Variants in RBFOX1 observed in about 807,000 individuals in gnomAD.
The protein encoded by RBFOX1 is RNA binding protein fox-1 homolog 1.
Under a neutral mutation model 57.7 loss-of-function variants are expected in RBFOX1, and 8 were observed. The observed-to-expected ratio is 0.14, with a 90% confidence interval of 0.08 to 0.25. RBFOX1 has a LOEUF of 0.25. RBFOX1 is among the 10% of genes least tolerant of loss of function. The pLI, the probability that RBFOX1 is intolerant of heterozygous loss-of-function variation, is 1.00. For synonymous variants in RBFOX1, 326 were observed against 222.4 expected (o/e 1.47, Z -4.15); for missense variants, 611 against 548.5 (o/e 1.11, Z -1.14).
chr16:5,341,222 T>C (rs1389216232), intron 1 of RBFOX1, among the ~76,000 whole-genome samples: 1 of 152,122 alleles, frequency 6.6e-6, no homozygotes, highest in Non-Finnish European at 1.5e-5. Context: ...TTTTAGCTCA[T>C]GGTGAGAAGT....
At chr16:7,592,899 C>T (rs1407820643) in intron 7 of RBFOX1, among the ~76,000 whole-genome samples, 1 of 151,986 alleles carries the variant, frequency 6.6e-6, no homozygotes, top group Middle Eastern at 3.2e-3. Context: ...GTAGCCTCAA[C>T]CTCCTGGGCT....
intron 3 of RBFOX1, among the ~76,000 whole-genome samples, chr16:5,786,331 G>C (rs1306081394): frequency 6.6e-6 from 1 of 151,970 alleles, no homozygotes; most frequent in Admixed American, 6.5e-5. Flanking sequence ...TCCAGGATGG[G>C]GGCCCTTCCA....
intron 2 of RBFOX1, among the ~76,000 whole-genome samples, chr16:6,378,339 C>G (rs866376456): frequency 1.3e-5 from 2 of 152,204 alleles, no homozygotes; most frequent in Non-Finnish European, 2.9e-5. Flanking sequence ...GATGGTGACC[C>G]AGACCCTGCG....
rs181608522 is a variant in RBFOX1 at position 5,995,686 on chromosome 16, A to T, written c.351+128351A>T. Among the ~76,000 whole-genome samples the T allele has an allele frequency of 6.6e-3, 998 of 152,276 alleles. 14 individuals are homozygous for T. Among genetic ancestry groups the T allele is most frequent in the Middle Eastern group, 0.01 (3 of 294 alleles). ...TCATTGCAAGTCCAGATTATGTTCA[A>T]GCTTGGTGGAAAATCTTTGATATAA... On this transcript the variant is annotated intron_variant, in intron 4 of 19. Coordinates refer to the RBFOX1 transcript ENST00000641259.
At position 6,046,039 on chromosome 16, in the gene RBFOX1, T is replaced by C. The variant is rs962482156; in HGVS notation, c.-127+26047T>C. 2.0e-5 allele frequency among the ~76,000 whole-genome samples: 3 copies of C among 152,188 alleles called. No homozygotes were observed. The East Asian group carries it at 5.8e-4, about 29-fold the overall frequency. On this transcript the variant is annotated intron_variant, in intron 1 of 15. Transcript: ENST00000550418. Reference sequence around the variant, plus strand: ...CGTCTCATGCAGAGGATAAGGACTTTGAGTGCTTTTCTAAGCACCATAGGA... The same window carrying C: ...CGTCTCATGCAGAGGATAAGGACTTCGAGTGCTTTTCTAAGCACCATAGGA...
intron 3 of RBFOX1, among the ~76,000 whole-genome samples, chr16:5,727,525 T>A (rs1228530786): frequency 6.6e-6 from 1 of 152,224 alleles, no homozygotes; most frequent in African/African-American, 2.4e-5. Context: ...GTATTTCAAA[T>A]GTACAATACA....
chr16:7,416,584 A>C lies in RBFOX1; in HGVS notation c.28-101563A>C, dbSNP rs9888910. 8.5e-4 allele frequency among the ~76,000 whole-genome samples: 129 copies of C among 152,328 alleles called. 1 individual carries two copies. The Middle Eastern group carries it at 0.01, about 12-fold the overall frequency. On this transcript the variant is annotated intron_variant, in intron 4 of 15. Coordinates refer to ENST00000550418, the MANE Select transcript of RBFOX1 (RefSeq NM_018723.4). ...AAGTGCAAGATCCTCTTCTGGGGAC[A>C]GCCTTCTTGTCTTCATGGATAGTGC...
At chr16:7,636,307 T>TTTTAG (rs2061745116) in intron 11 of RBFOX1, among the ~76,000 whole-genome samples, 1 of 152,194 alleles carries the variant, frequency 6.6e-6, no homozygotes, top group Non-Finnish European at 1.5e-5. Context: ...TCTCAATTTG[T>TTTTAG]TTTAGTTTGT....
intron 2 of RBFOX1, among the ~76,000 whole-genome samples, chr16:5,596,383 T>C (rs2047184159): frequency 1.3e-5 from 2 of 152,194 alleles, no homozygotes; most frequent in Admixed American, 6.5e-5. Context: ...ACGAAGCCAA[T>C]ACTGGCTTCA....
chr16:5,610,019 T>C (rs1322905448), intron 3 of RBFOX1, among the ~76,000 whole-genome samples: 2 of 152,216 alleles, frequency 1.3e-5, no homozygotes, highest in African/African-American at 2.4e-5. Flanking sequence ...ACCCTTCTTC[T>C]TTTCTTTGCT....
chr16:5,692,723 T>C (rs2050726327), intron 3 of RBFOX1, among the ~76,000 whole-genome samples: 1 of 152,060 alleles, frequency 6.6e-6, no homozygotes, highest in African/African-American at 2.4e-5. Flanking sequence ...ACTTGGTTTG[T>C]TGAGAATTCA....
chr16:6,656,047 A>T (rs1274708606), intron 3 of RBFOX1, among the ~76,000 whole-genome samples: 3 of 152,334 alleles, frequency 2.0e-5, no homozygotes, highest in African/African-American at 7.2e-5. Flanking sequence ...TTTGCTGGCA[A>T]AGGAATTTCA....
At chr16:5,877,243 C>T (rs2057636764) in intron 4 of RBFOX1, among the ~76,000 whole-genome samples, 1 of 152,222 alleles carries the variant, frequency 6.6e-6, no homozygotes, top group Non-Finnish European at 1.5e-5. Flanking sequence ...CGCATTTATT[C>T]AGAAAGTCAG....
intron 1 of RBFOX1, among the ~76,000 whole-genome samples, chr16:5,333,491 A>G (rs562761593): frequency 1.3e-5 from 2 of 152,282 alleles, no homozygotes; most frequent in Admixed American, 1.3e-4. Flanking sequence ...ACAATGAAAA[A>G]GCTGCTCCTC....
In RBFOX1 at chr16:6,413,109, C is replaced by T. The variant is rs546494027; in HGVS notation, c.-64+96052C>T. The stretch of plus-strand genomic sequence containing the variant: ...CCAAGGCGGGTGGATCACCTGAGGT[C>T]GGGAGTTTGAGACCAGCCTAACCAA... On this transcript the variant is annotated intron_variant, in intron 2 of 15. Coordinates refer to ENST00000550418, the MANE Select transcript of RBFOX1 (RefSeq NM_018723.4). Among the ~76,000 whole-genome samples the T allele has an allele frequency of 5.9e-5, 9 of 152,212 alleles. No individual in the cohort carries two copies. In the South Asian group the frequency reaches 1.9e-3, roughly 32 times the overall value.
chr16:5,455,813 A>G (rs2068613835), intron 1 of RBFOX1, among the ~76,000 whole-genome samples: 1 of 152,110 alleles, frequency 6.6e-6, no homozygotes, highest in African/African-American at 2.4e-5. Context: ...TGGCTAGAGA[A>G]CCCTGGTTTC....
chr16:5,789,837 A>G (rs966888900), intron 3 of RBFOX1, among the ~76,000 whole-genome samples: 1 of 152,184 alleles, frequency 6.6e-6, no homozygotes, highest in Non-Finnish European at 1.5e-5. Context: ...TGAATTCACC[A>G]TACACCATGA....
At chr16:7,380,761 C>G (rs1162733534) in intron 4 of RBFOX1, among the ~76,000 whole-genome samples, 1 of 152,174 alleles carries the variant, frequency 6.6e-6, no homozygotes, top group African/African-American at 2.4e-5. Flanking sequence ...AATCCATTCT[C>G]TAGGGGAAAA....
intron 2 of RBFOX1, among the ~76,000 whole-genome samples, chr16:6,341,618 A>C (rs938430009): frequency 6.6e-6 from 1 of 152,094 alleles, no homozygotes; most frequent in African/African-American, 2.4e-5. Flanking sequence ...CTTTATCACA[A>C]ACCCTGATAG....
Sources: allele counts gnomAD v4.1 joint callset (sites outside exome capture counted in the v4.1 genomes callset), GRCh38; gene constraint gnomAD v4.1.1; transcripts MANE v1.5; gene names NCBI Gene and HGNC (gene_info 2026-07-23, HGNC 2026-07-21).